The following KCNB2 variants were observed in gnomAD, a reference collection of about 807,000 sequenced individuals.
The protein encoded by KCNB2 is potassium voltage-gated channel subfamily B member 2, also known as delayed rectifier potassium channel protein.
Under a neutral mutation model 61.5 loss-of-function variants are expected in KCNB2, and 15 were observed. That is an observed-to-expected ratio of 0.24 (90% CI 0.16 to 0.38). The LOEUF (loss-of-function observed/expected upper bound fraction) is 0.38. Among genes scored for constraint, KCNB2 ranks in the 10% least tolerant of loss-of-function variants. The pLI is 1.00. For synonymous variants in KCNB2, 457 were observed against 446.0 expected (o/e 1.02, Z -0.31); for missense variants, 828 against 1,125.2 (o/e 0.74, Z 3.78).
chr8:72,721,206 G>A (rs1424573971), intron 2 of KCNB2, among the ~76,000 whole-genome samples: 1 of 152,170 alleles, frequency 6.6e-6, no homozygotes, highest in African/African-American at 2.4e-5. Context: ...ACAGCCTCTG[G>A]TGTATATACT....
chr8:72,782,972 A>T (rs1313685963), intron 2 of KCNB2, among the ~76,000 whole-genome samples: 1 of 152,184 alleles, frequency 6.6e-6, no homozygotes, highest in African/African-American at 2.4e-5. Flanking sequence ...AAGAATGGTC[A>T]TGGATTCAGA....
intron 2 of KCNB2, among the ~76,000 whole-genome samples, chr8:72,595,695 G>GT (rs1174484668): frequency 2.6e-5 from 4 of 152,120 alleles, no homozygotes; most frequent in Non-Finnish European, 4.4e-5. Context: ...CCTTCACAGA[G>GT]TAAGGTGGTC....
chr8:72,652,966 C>G (rs950344491), intron 2 of KCNB2, among the ~76,000 whole-genome samples: 1 of 152,090 alleles, frequency 6.6e-6, no homozygotes, highest in African/African-American at 2.4e-5. Flanking sequence ...TAGCCTGCCT[C>G]TCTCCTAGCT....
intron 2 of KCNB2, among the ~76,000 whole-genome samples, chr8:72,675,693 A>AG (rs1806642337): frequency 6.6e-6 from 1 of 152,022 alleles, no homozygotes; most frequent in African/African-American, 2.4e-5. Context: ...AGCTGGGATT[A>AG]CAGGCACGAA....
chr8:72,915,633 T>C (rs1275132023), intron 2 of KCNB2, among the ~76,000 whole-genome samples: 1 of 151,920 alleles, frequency 6.6e-6, no homozygotes, highest in African/African-American at 2.4e-5. Context: ...AATAGAAAAA[T>C]CTGCTGCCGG....
intron 2 of KCNB2, among the ~76,000 whole-genome samples, chr8:72,620,170 C>A: frequency 6.6e-6 from 1 of 152,166 alleles, no homozygotes; most frequent in East Asian, 1.9e-4. Context: ...CATCACATAG[C>A]ACTACTTTAG....
At chr8:72,545,602 C>T (rs1431277808) in intron 1 of KCNB2, among the ~76,000 whole-genome samples, 1 of 152,012 alleles carries the variant, frequency 6.6e-6, no homozygotes, top group Non-Finnish European at 1.5e-5. Flanking sequence ...CTTGGGCCTC[C>T]CTGTTCCCTG....
intron 2 of KCNB2, among the ~76,000 whole-genome samples, chr8:72,617,516 A>G (rs184668437): frequency 6.6e-6 from 1 of 150,920 alleles, no homozygotes; most frequent in African/African-American, 2.4e-5. Context: ...ATGCCCTGAA[A>G]TTTCCATTTG....
chr8:72,845,742 G>A (rs1198203652), intron 2 of KCNB2, among the ~76,000 whole-genome samples: 3 of 150,896 alleles, frequency 2.0e-5, no homozygotes, highest in Non-Finnish European at 4.4e-5. Flanking sequence ...ACACCGTGAG[G>A]GGAAAATCAC....
At chr8:72,601,476 G>T (rs1805351830) in intron 2 of KCNB2, among the ~76,000 whole-genome samples, 2 of 152,172 alleles carry the variant, frequency 1.3e-5, no homozygotes, top group Non-Finnish European at 1.5e-5. Context: ...CTTTCATCCA[G>T]CAGTAATATT....
At chr8:72,882,556 A>AGAG (rs10691208) in intron 2 of KCNB2, among the ~76,000 whole-genome samples, 27 of 142,820 alleles carry the variant, frequency 1.9e-4, no homozygotes, top group South Asian at 4.5e-4. Flanking sequence ...AGAGAGAGAG[A>AGAG]ATGTGTGTCT....
At chr8:72,683,922 T>A (rs1007103242) in intron 2 of KCNB2, among the ~76,000 whole-genome samples, 1 of 152,148 alleles carries the variant, frequency 6.6e-6, no homozygotes, top group African/African-American at 2.4e-5. Flanking sequence ...GGCCTTTATA[T>A]GGCATATTTG....
At chr8:72,770,276 C>A (rs1808537564) in intron 2 of KCNB2, among the ~76,000 whole-genome samples, 1 of 152,122 alleles carries the variant, frequency 6.6e-6, no homozygotes, top group African/African-American at 2.4e-5. Flanking sequence ...ATTCTCTATA[C>A]CCCATGTGCC....
At chr8:72,779,817 A>C (rs2128997813) in intron 2 of KCNB2, among the ~76,000 whole-genome samples, 1 of 152,256 alleles carries the variant, frequency 6.6e-6, no homozygotes, top group African/African-American at 2.4e-5. Flanking sequence ...TCAGCACAAA[A>C]CTGAATAATG....
intron 2 of KCNB2, among the ~76,000 whole-genome samples, chr8:72,583,948 C>CAAAA (rs71566823): frequency 2.7e-4 from 27 of 100,748 alleles, no homozygotes; most frequent in Middle Eastern, 7.0e-3. Flanking sequence ...AATAGAATAT[C>CAAAA]AAAAAAAAAA....
chr8:72,603,495 T>A (rs1371453656), intron 2 of KCNB2, among the ~76,000 whole-genome samples: 2 of 152,206 alleles, frequency 1.3e-5, no homozygotes, highest in Non-Finnish European at 2.9e-5. Flanking sequence ...TCACCTGCCT[T>A]GCACTCCCAT....
intron 2 of KCNB2, among the ~76,000 whole-genome samples, chr8:72,859,706 CG>C (rs1450919035): frequency 0.37 from 27,344 of 73,182 alleles, 9,937 homozygotes; most frequent in African/African-American, 0.49. Context: ...TACTTCATTT[CG>C]TTTTTTTTTT....
chr8:72,697,916 C>T (rs1179533249), intron 2 of KCNB2, among the ~76,000 whole-genome samples: 2 of 152,090 alleles, frequency 1.3e-5, no homozygotes, highest in Non-Finnish European at 2.9e-5. Flanking sequence ...GGCCCAATCC[C>T]AGGCCTTCTC....
intron 2 of KCNB2, among the ~76,000 whole-genome samples, chr8:72,702,101 ATC>A (rs1398114852): frequency 1.3e-5 from 2 of 152,186 alleles, no homozygotes; most frequent in Non-Finnish European, 2.9e-5. Context: ...ATTCATCTTC[ATC>A]TCTGTCACTG....
Sources: gnomAD v4.1 joint callset for allele counts (sites outside exome capture counted in the v4.1 genomes callset) on GRCh38, gnomAD v4.1.1 for gene constraint, MANE v1.5 for transcripts, NCBI Gene and HGNC (gene_info 2026-07-23, HGNC 2026-07-21) for gene names.